STXBP5L: variants seen among roughly 807,000 people sequenced by gnomAD.
The protein encoded by STXBP5L is syntaxin binding protein 5L, also known as syntaxin-binding protein 5-like.
Under a neutral mutation model 144.5 loss-of-function variants are expected in STXBP5L, and 65 were observed. The observed-to-expected ratio is 0.45, with a 90% CI of 0.37 to 0.55. The LOEUF is 0.55. Ranked by LOEUF, STXBP5L falls within the 20% of genes least tolerant of loss-of-function variation. The pLI is 0.00. For synonymous variants in STXBP5L, 505 were observed against 469.6 expected (o/e 1.08, Z -0.97); for missense variants, 1,298 against 1,405.5 (o/e 0.92, Z 1.22).
At chr3:121,380,471 A>G (rs1365445801) in intron 21 of STXBP5L, among the ~76,000 whole-genome samples, 1 of 152,114 alleles carries the variant, frequency 6.6e-6, no homozygotes, top group African/African-American at 2.4e-5. Context: ...AAGAACTTGT[A>G]CTCTGGAGAG....
chr3:121,185,117 A>T (rs2047321342), intron 9 of STXBP5L, among the ~76,000 whole-genome samples: 1 of 152,206 alleles, frequency 6.6e-6, no homozygotes. Context: ...ACCAGATTTT[A>T]AAGACCATCG....
intron 20 of STXBP5L, among the ~76,000 whole-genome samples, chr3:121,370,998 C>A (rs1276709656): frequency 6.6e-6 from 1 of 152,094 alleles, no homozygotes; most frequent in African/African-American, 2.4e-5. Flanking sequence ...ATTCTGAATT[C>A]TATTTCTGTC....
chr3:121,375,533 T>A (rs1254929223), intron 20 of STXBP5L, among the ~76,000 whole-genome samples: 2 of 152,186 alleles, frequency 1.3e-5, no homozygotes, highest in Admixed American at 6.5e-5. Context: ...GAGCTTTAGT[T>A]TCTTCATCTT....
chr3:120,955,306 T>C (rs1254077722), intron 3 of STXBP5L, among the ~76,000 whole-genome samples: 1 of 152,028 alleles, frequency 6.6e-6, no homozygotes, highest in Non-Finnish European at 1.5e-5. Flanking sequence ...TTATCAATTG[T>C]ATTGATTCTC....
intron 19 of STXBP5L, among the ~76,000 whole-genome samples, chr3:121,281,625 G>A (rs1350098377): frequency 6.6e-6 from 1 of 151,680 alleles, no homozygotes; most frequent in African/African-American, 2.4e-5. Flanking sequence ...ACACAGTGGG[G>A]CAAAAAAAGT....
intron 7 of STXBP5L, among the ~76,000 whole-genome samples, chr3:121,138,623 A>C (rs555572863): frequency 6.6e-6 from 1 of 152,276 alleles, no homozygotes; most frequent in South Asian, 2.1e-4. Context: ...CAGCCAATTG[A>C]TTTTTGACAA....
At chr3:121,066,797 C>A (rs1417831234) in intron 5 of STXBP5L, among the ~76,000 whole-genome samples, 1 of 151,826 alleles carries the variant, frequency 6.6e-6, no homozygotes, top group Non-Finnish European at 1.5e-5. Context: ...TTTGGTGTTC[C>A]CTCTTAAAAT....
At chr3:121,334,774 A>C (rs1159971377) in intron 20 of STXBP5L, among the ~76,000 whole-genome samples, 1 of 152,058 alleles carries the variant, frequency 6.6e-6, no homozygotes, top group Non-Finnish European at 1.5e-5. Context: ...TTTCATGTTA[A>C]AAGCTCTCAA....
chr3:121,196,685 C>T (rs1342476606), intron 9 of STXBP5L, among the ~76,000 whole-genome samples: 1 of 151,318 alleles, frequency 6.6e-6, no homozygotes, highest in Non-Finnish European at 1.5e-5. Context: ...TGTTTTGAGA[C>T]AGGGTCCCAT....
At chr3:121,181,359 A>T (rs1474538802) in intron 9 of STXBP5L, among the ~76,000 whole-genome samples, 2 of 152,044 alleles carry the variant, frequency 1.3e-5, no homozygotes, top group Admixed American at 6.5e-5. Flanking sequence ...GAGGAGTAGT[A>T]CCTCACATCT....
intron 3 of STXBP5L, among the ~76,000 whole-genome samples, chr3:120,986,082 T>G (rs1325878254): frequency 6.6e-6 from 1 of 152,012 alleles, no homozygotes; most frequent in Non-Finnish European, 1.5e-5. Context: ...CCACGAGTTT[T>G]GGTATGTTTT....
intron 19 of STXBP5L, among the ~76,000 whole-genome samples, chr3:121,314,667 C>A (rs191983223): frequency 0.015 from 2,297 of 151,892 alleles, 32 homozygotes; most frequent in Non-Finnish European, 0.021. Context: ...TTCTGCACAG[C>A]AAAAGAAACT....
intron 2 of STXBP5L, among the ~76,000 whole-genome samples, chr3:120,910,898 G>T (rs1310566554): frequency 6.6e-6 from 1 of 152,004 alleles, no homozygotes; most frequent in Non-Finnish European, 1.5e-5. Context: ...TGAAATTTGT[G>T]TACAGTAATA....
chr3:121,014,418 A>G (rs1700447343), intron 3 of STXBP5L, among the ~76,000 whole-genome samples: 1 of 151,908 alleles, frequency 6.6e-6, no homozygotes. Flanking sequence ...TACAGTATAT[A>G]TTGTTTTCTG....
intron 19 of STXBP5L, among the ~76,000 whole-genome samples, chr3:121,310,702 A>G (rs575251184): frequency 6.6e-6 from 1 of 151,758 alleles, no homozygotes; most frequent in African/African-American, 2.4e-5. Context: ...GGAGGTCAGG[A>G]GTTTGAGACC....
chr3:121,331,882 C>T (rs955776711), intron 20 of STXBP5L, among the ~76,000 whole-genome samples: 2 of 152,100 alleles, frequency 1.3e-5, no homozygotes, highest in Non-Finnish European at 2.9e-5. Context: ...GCCATTCTAG[C>T]CCTGCAGGAG....
chr3:121,073,873 C>A (rs2041911025), intron 5 of STXBP5L, among the ~76,000 whole-genome samples: 1 of 152,210 alleles, frequency 6.6e-6, no homozygotes, highest in Admixed American at 6.5e-5. Flanking sequence ...TCACTCATGT[C>A]CAAGCTCATG....
chr3:121,004,514 C>T (rs1944092652), intron 3 of STXBP5L, among the ~76,000 whole-genome samples: 2 of 151,598 alleles, frequency 1.3e-5, no homozygotes, highest in African/African-American at 2.4e-5. Context: ...AATTTGACTT[C>T]CTCTTTTCCT....
At chr3:121,024,391 A>T (rs768256588) in intron 3 of STXBP5L, among the ~76,000 whole-genome samples, 4 of 152,220 alleles carry the variant, frequency 2.6e-5, no homozygotes, top group Admixed American at 2.0e-4. Flanking sequence ...TAGTCCTACC[A>T]CTAAGGTAAA....
Sources: allele counts gnomAD v4.1 joint callset (sites outside exome capture counted in the v4.1 genomes callset), GRCh38; gene constraint gnomAD v4.1.1; transcripts MANE v1.5; gene names NCBI Gene and HGNC (gene_info 2026-07-23, HGNC 2026-07-21).